The following CNTNAP2 variants were observed in gnomAD, a reference collection of about 807,000 sequenced individuals.
CNTNAP2 encodes contactin associated protein 2, also known as contactin-associated protein-like 2.
A neutral mutation model predicts 155.2 loss-of-function variants in CNTNAP2; 98 were observed. That is an observed-to-expected ratio of 0.63 (90% CI 0.54 to 0.75). The LOEUF is 0.75. CNTNAP2 is among the 30% of genes least tolerant of loss of function. CNTNAP2 has a pLI of 0.00. For synonymous variants in CNTNAP2, 651 were observed against 631.2 expected, an observed-to-expected ratio of 1.03 and a Z score of -0.47; for missense variants, 1,727 against 1,688.1, an observed-to-expected ratio of 1.02 and a Z score of -0.40.
At chr7:147,002,664 G>T (rs1350828941) in intron 3 of CNTNAP2, among the ~76,000 whole-genome samples, 1 of 151,932 alleles carries the variant, frequency 6.6e-6, no homozygotes, top group Non-Finnish European at 1.5e-5. Context: ...GGGTCAAGAA[G>T]TCCAAGATCA....
At chr7:147,277,331 A>T (rs982514711) in intron 8 of CNTNAP2, among the ~76,000 whole-genome samples, 6 of 152,000 alleles carry the variant, frequency 3.9e-5, no homozygotes, top group Non-Finnish European at 8.8e-5. Context: ...TGAGCCTTTG[A>T]TGAATGTTTG....
chr7:146,528,019 A>C (rs1156527504), intron 1 of CNTNAP2, among the ~76,000 whole-genome samples: 2 of 152,124 alleles, frequency 1.3e-5, no homozygotes, highest in Non-Finnish European at 2.9e-5. Flanking sequence ...TAGAAAGAAA[A>C]ATATTGTCAT....
intron 3 of CNTNAP2, among the ~76,000 whole-genome samples, chr7:147,002,207 G>A (rs74807872): frequency 6.6e-6 from 1 of 151,894 alleles, no homozygotes; most frequent in Non-Finnish European, 1.5e-5. Context: ...AAAATAAAAA[G>A]AGAATGTCCA....
chr7:147,278,470 G>A (rs890890259), intron 8 of CNTNAP2, among the ~76,000 whole-genome samples: 1 of 151,714 alleles, frequency 6.6e-6, no homozygotes, highest in African/African-American at 2.4e-5. Flanking sequence ...TAAAATCATG[G>A]AAGTATAGTT....
At chr7:146,599,782 A>ATAGATAGATAGT (rs1798921552) in intron 1 of CNTNAP2, among the ~76,000 whole-genome samples, 1 of 151,860 alleles carries the variant, frequency 6.6e-6, no homozygotes, top group African/African-American at 2.4e-5. Flanking sequence ...AGATAGATAG[A>ATAGATAGATAGT]TCTCTAGTTT....
intron 18 of CNTNAP2, among the ~76,000 whole-genome samples, chr7:148,206,680 CCAGA>C (rs998611775): frequency 6.6e-6 from 1 of 152,168 alleles, no homozygotes; most frequent in Non-Finnish European, 1.5e-5. Flanking sequence ...AGGCCTCTCC[CCAGA>C]CAATCAGATC....
intron 5 of CNTNAP2, among the ~76,000 whole-genome samples, chr7:147,115,673 T>A (rs1319467315): frequency 6.6e-6 from 1 of 152,142 alleles, no homozygotes; most frequent in Admixed American, 6.5e-5. Context: ...TCAATTATAT[T>A]CCTCTCTAAC....
At chr7:146,317,344 C>G (rs1392073438) in intron 1 of CNTNAP2, among the ~76,000 whole-genome samples, 1 of 152,122 alleles carries the variant, frequency 6.6e-6, no homozygotes. Context: ...TTTGTCCCAT[C>G]TTTCTGAGAA....
At chr7:148,174,061 C>T (rs1794885326) in intron 18 of CNTNAP2, among the ~76,000 whole-genome samples, 1 of 152,198 alleles carries the variant, frequency 6.6e-6, no homozygotes, top group Admixed American at 6.5e-5. Flanking sequence ...CTGTGTGTTG[C>T]CTCTGACATT....
At chr7:146,727,216 T>C (rs567093856) in intron 1 of CNTNAP2, among the ~76,000 whole-genome samples, 11 of 152,300 alleles carry the variant, frequency 7.2e-5, no homozygotes, top group Admixed American at 6.5e-4. Context: ...CGATTACCTG[T>C]TACACAGTGT....
intron 21 of CNTNAP2, among the ~76,000 whole-genome samples, chr7:148,360,810 C>CTTTTTTTTTTTTTT (rs1177933137): frequency 1.4e-5 from 2 of 138,584 alleles, no homozygotes; most frequent in African/African-American, 5.2e-5. Context: ...TCTTTTTTTT[C>CTTTTTTTTTTTTTT]TTTTTCTTTT....
At chr7:147,452,154 G>A (rs551931002) in intron 10 of CNTNAP2, among the ~76,000 whole-genome samples, 5 of 152,234 alleles carry the variant, frequency 3.3e-5, no homozygotes, top group East Asian at 1.9e-4. Flanking sequence ...ATAGGCTTTC[G>A]ACTACAAATA....
chr7:146,597,263 G>A (rs768908775), intron 1 of CNTNAP2, among the ~76,000 whole-genome samples: 20 of 152,048 alleles, frequency 1.3e-4, no homozygotes, highest in Non-Finnish European at 2.4e-4. Context: ...GAGTGTAAAG[G>A]TTATTTAGTG....
At chr7:147,991,059 A>G (rs2116881612) in intron 15 of CNTNAP2, among the ~76,000 whole-genome samples, 1 of 152,282 alleles carries the variant, frequency 6.6e-6, no homozygotes, top group African/African-American at 2.4e-5. Flanking sequence ...CCTGGCGCTC[A>G]CTATGAATAA....
At chr7:147,061,385 C>T (rs555722212) in intron 4 of CNTNAP2, among the ~76,000 whole-genome samples, 1 of 152,284 alleles carries the variant, frequency 6.6e-6, no homozygotes, top group South Asian at 2.1e-4. Flanking sequence ...ATTTGTATCT[C>T]AATGTATAAA....
At chr7:147,986,121 C>A (rs1393610057) in intron 15 of CNTNAP2, among the ~76,000 whole-genome samples, 6 of 152,142 alleles carry the variant, frequency 3.9e-5, no homozygotes, top group Non-Finnish European at 8.8e-5. Context: ...TTCAGCCCCA[C>A]CCAGAAAAGA....
At chr7:147,548,300 G>C (rs1170843697) in intron 11 of CNTNAP2, among the ~76,000 whole-genome samples, 1 of 152,118 alleles carries the variant, frequency 6.6e-6, no homozygotes, top group Non-Finnish European at 1.5e-5. Context: ...TCGCCATTCT[G>C]ACTGGTGTGA....
At chr7:148,342,363 C>A (rs1373001947) in intron 21 of CNTNAP2, among the ~76,000 whole-genome samples, 2 of 152,074 alleles carry the variant, frequency 1.3e-5, no homozygotes, top group Non-Finnish European at 2.9e-5. Flanking sequence ...GCATGAAAGC[C>A]AACACTTCTC....
chr7:147,373,560 C>A (rs1026287813), intron 9 of CNTNAP2, among the ~76,000 whole-genome samples: 3 of 151,970 alleles, frequency 2.0e-5, no homozygotes, highest in Non-Finnish European at 4.4e-5. Flanking sequence ...TTTATGAGAA[C>A]ATTGAAATAC....
Sources: gnomAD v4.1 joint callset for allele counts (sites outside exome capture counted in the v4.1 genomes callset) on GRCh38, gnomAD v4.1.1 for gene constraint, MANE v1.5 for transcripts, NCBI Gene and HGNC (gene_info 2026-07-23, HGNC 2026-07-21) for gene names.